The following MALRD1 variants were observed in gnomAD, a reference collection of about 807,000 sequenced individuals.
The protein encoded by MALRD1 is MAM and LDL receptor class A domain containing 1, also known as MAM and LDL-receptor class A domain-containing protein 1.
In MALRD1, 247 loss-of-function variants were observed where a neutral mutation model predicts 242.1. The observed-to-expected ratio is 1.02, with a 90% CI of 0.92 to 1.13. The LOEUF (loss-of-function observed/expected upper bound fraction) is 1.13, where lower values mean the gene tolerates loss of function less well. MALRD1 is among the 50% of genes most tolerant of loss of function. The probability of loss-of-function intolerance (pLI) is 0.00; values close to 1 mark genes in which losing one functional copy is unlikely to be tolerated. For missense variants in MALRD1, 2,989 were observed against 2,533.1 expected (o/e 1.18, Z -3.86); for synonymous variants, 995 against 866.6 (o/e 1.15, Z -2.60).
intron 31 of MALRD1, among the ~76,000 whole-genome samples, chr10:19,507,837 C>G (rs561898693): frequency 6.6e-6 from 1 of 151,764 alleles, no homozygotes; most frequent in Non-Finnish European, 1.5e-5. Context: ...GTGGGTGACA[C>G]AAAAGTAAAA....
rs1841002209 is a variant in MALRD1 at position 19,284,429 on chromosome 10, G to T, written c.3419+1248G>T. On this transcript the variant is annotated intron_variant, in intron 21 of 39. Transcript: ENST00000454679. ...CCCCCACCCCACCACAGTCCCCAGA[G>T]TGTGATGTTCCCCTTCCTGTGTCCA... Among the ~76,000 whole-genome samples the T allele has an allele frequency of 3.3e-5, 4 of 122,156 alleles. No individual in the cohort carries two copies. The South Asian group carries it at 1.1e-3, about 33-fold the overall frequency. The allele number at this position is 122,156 out of a possible 152,430, so 80.1% of individuals were successfully genotyped here.
chr10:19,565,675 T>C (rs1230876275), intron 32 of MALRD1, among the ~76,000 whole-genome samples: 1 of 152,182 alleles, frequency 6.6e-6, no homozygotes, highest in Non-Finnish European at 1.5e-5. Flanking sequence ...TGAAGATTCT[T>C]TGGGATGAGT....
chr10:19,555,326 A>G (rs572896051), intron 32 of MALRD1, among the ~76,000 whole-genome samples: 1 of 152,232 alleles, frequency 6.6e-6, no homozygotes, highest in Admixed American at 6.5e-5. Context: ...ACAAACATCT[A>G]AACCCCATCA....
chr10:19,474,231 A>G (rs1332110389), intron 29 of MALRD1, among the ~76,000 whole-genome samples: 1 of 152,028 alleles, frequency 6.6e-6, no homozygotes, highest in African/African-American at 2.4e-5. Flanking sequence ...TTTTTAAATG[A>G]GTAAAGAGAT....
chr10:19,676,949 G>A (rs995463804), intron 36 of MALRD1, among the ~76,000 whole-genome samples: 1 of 152,136 alleles, frequency 6.6e-6, no homozygotes, highest in Admixed American at 6.5e-5. Context: ...AGTTTGCTAA[G>A]GATAATGGCT....
intron 26 of MALRD1, among the ~76,000 whole-genome samples, chr10:19,382,326 T>A (rs185407953): frequency 6.7e-6 from 1 of 149,030 alleles, no homozygotes; most frequent in Admixed American, 6.8e-5. Flanking sequence ...TCTGATATTA[T>A]TTGATAGATG....
At chr10:19,602,888 C>G (rs1838429793) in intron 34 of MALRD1, among the ~76,000 whole-genome samples, 1 of 152,156 alleles carries the variant, frequency 6.6e-6, no homozygotes, top group African/African-American at 2.4e-5. Flanking sequence ...GATCGCCATT[C>G]TAACTGGTGT....
Position 19,098,334 on chromosome 10 carries a change from T to A in MALRD1, c.598-5645T>A, listed in dbSNP as rs115384419. Among the ~76,000 whole-genome samples, 213 of 152,334 alleles carry A rather than the reference T, an allele frequency of 1.4e-3. 1 individual carries two copies. Among genetic ancestry groups the A allele is most frequent in the African/African-American group, 4.7e-3 (197 of 41,568 alleles). ...TAACATGCTATTATTTACTTTTCAT[T>A]TCTTTGATATTTCATCGAGAAATGC... On this transcript the variant is annotated intron_variant, in intron 4 of 39. Transcript: ENST00000454679.
chr10:19,474,639 CTT>C (rs1836646972), intron 29 of MALRD1, among the ~76,000 whole-genome samples: 1 of 151,790 alleles, frequency 6.6e-6, no homozygotes, highest in Non-Finnish European at 1.5e-5. Context: ...TATTTTATAA[CTT>C]TATTTAGAAA....
At chr10:19,414,631 T>C (rs1345126381) in intron 28 of MALRD1, among the ~76,000 whole-genome samples, 1 of 152,084 alleles carries the variant, frequency 6.6e-6, no homozygotes, top group African/African-American at 2.4e-5. Flanking sequence ...TTCTCAGAAA[T>C]GTATTAGTGA....
chr10:19,147,409 G>A (rs1404495048), intron 11 of MALRD1, among the ~76,000 whole-genome samples: 1 of 152,054 alleles, frequency 6.6e-6, no homozygotes, highest in Non-Finnish European at 1.5e-5. Flanking sequence ...TTAACAGTGT[G>A]GTAAGTTCTT....
chr10:19,359,693 C>T (rs1028205459), intron 26 of MALRD1, among the ~76,000 whole-genome samples: 10 of 150,956 alleles, frequency 6.6e-5, no homozygotes, highest in South Asian at 2.1e-4. Context: ...AAAGACATCA[C>T]GAGGTAGGAG....
At chr10:19,415,985 G>A (rs1034217187) in intron 28 of MALRD1, among the ~76,000 whole-genome samples, 7 of 152,198 alleles carry the variant, frequency 4.6e-5, no homozygotes, top group African/African-American at 1.7e-4. Flanking sequence ...GAAACTGAGT[G>A]AGGAAAGTTT....
chr10:19,070,963 T>G (rs1835128613), intron 2 of MALRD1, among the ~76,000 whole-genome samples: 1 of 149,002 alleles, frequency 6.7e-6, no homozygotes, highest in Non-Finnish European at 1.5e-5. Context: ...GCAATTCTCC[T>G]GTGTCAGTCT....
intron 38 of MALRD1, among the ~76,000 whole-genome samples, chr10:19,727,622 G>A (rs1043038927): frequency 2.0e-5 from 3 of 152,138 alleles, no homozygotes; most frequent in Admixed American, 6.5e-5. Flanking sequence ...AAATTTCTAA[G>A]TCAGTTCCTT....
chr10:19,047,358 GTGT>G (rs758927239), upstream of MALRD1, among the ~76,000 whole-genome samples: 1,742 of 16,558 alleles, frequency 0.11, 14 homozygotes, highest in South Asian at 0.22. Context: ...TTAATTAGGT[GTGT>G]GTGTGTGTGT....
intron 31 of MALRD1, among the ~76,000 whole-genome samples, chr10:19,504,091 T>C (rs1472688192): frequency 1.3e-5 from 2 of 152,198 alleles, no homozygotes; most frequent in Admixed American, 1.3e-4. Context: ...ATTCAATAAA[T>C]ACAACTCAAT....
intron 7 of MALRD1, among the ~76,000 whole-genome samples, chr10:19,127,957 T>C (rs891858488): frequency 2.6e-5 from 4 of 152,168 alleles, no homozygotes; most frequent in Non-Finnish European, 5.9e-5. Context: ...GTTTCTTTTA[T>C]AGGAATCTTG....
chr10:19,162,572 A>T (rs1834479027), intron 12 of MALRD1, among the ~76,000 whole-genome samples: 1 of 152,196 alleles, frequency 6.6e-6, no homozygotes, highest in African/African-American at 2.4e-5. Context: ...TCAATAACTT[A>T]AAATTGATCA....
Sources: gnomAD v4.1 joint callset for allele counts (sites outside exome capture counted in the v4.1 genomes callset) on GRCh38, gnomAD v4.1.1 for gene constraint, MANE v1.5 for transcripts, NCBI Gene and HGNC (gene_info 2026-07-23, HGNC 2026-07-21) for gene names.